Variants in ALK observed in about 807,000 individuals in gnomAD.
ALK encodes the protein ALK receptor tyrosine kinase, also known as ALK tyrosine kinase receptor.
ALK carries 74 observed loss-of-function variants against 163.1 expected under a neutral mutation model. The observed-to-expected ratio is 0.45, with a 90% confidence interval of 0.38 to 0.55. ALK has a LOEUF of 0.55. Ranked by LOEUF, ALK falls within the 20% of genes least tolerant of loss-of-function variation. The pLI is 0.00. For missense variants in ALK, 2,063 were observed against 2,105.3 expected (o/e 0.98, Z 0.39); for synonymous variants, 960 against 843.2 (o/e 1.14, Z -2.40).
intron 4 of ALK, among the ~76,000 whole-genome samples, chr2:29,464,854 T>C (rs998160541): frequency 6.6e-6 from 1 of 152,156 alleles, no homozygotes; most frequent in African/African-American, 2.4e-5. Context: ...AGAAACCTTG[T>C]TGTAGAGGAA....
At chr2:29,271,875 A>G (rs1208860492) in intron 11 of ALK, among the ~76,000 whole-genome samples, 3 of 152,206 alleles carry the variant, frequency 2.0e-5, no homozygotes, top group Non-Finnish European at 4.4e-5. Flanking sequence ...AAGGCTCCAT[A>G]GTTAGGGTTG....
At chr2:29,454,407 C>T (rs954965267) in intron 4 of ALK, among the ~76,000 whole-genome samples, 2 of 152,132 alleles carry the variant, frequency 1.3e-5, no homozygotes, top group Non-Finnish European at 2.9e-5. Flanking sequence ...AGGTAAACAG[C>T]TGTGATGCTA....
At chr2:29,401,195 A>G (rs1669436815) in intron 4 of ALK, among the ~76,000 whole-genome samples, 1 of 152,132 alleles carries the variant, frequency 6.6e-6, no homozygotes, top group Non-Finnish European at 1.5e-5. Context: ...TTCGAGGAGC[A>G]AGCTGCTCTT....
chr2:29,739,789 G>A (rs911487050), intron 1 of ALK, among the ~76,000 whole-genome samples: 22 of 152,008 alleles, frequency 1.4e-4, no homozygotes, highest in Admixed American at 1.4e-3. Flanking sequence ...ATCAATGACT[G>A]TTTCAATGTG....
intron 4 of ALK, among the ~76,000 whole-genome samples, chr2:29,388,263 T>C (rs1350671099): frequency 6.6e-6 from 1 of 152,192 alleles, no homozygotes; most frequent in Admixed American, 6.5e-5. Context: ...AAGCCCAGAA[T>C]GAAGGGACAC....
At chr2:29,456,510 T>A (rs1670956858) in intron 4 of ALK, among the ~76,000 whole-genome samples, 1 of 152,110 alleles carries the variant, frequency 6.6e-6, no homozygotes, top group Non-Finnish European at 1.5e-5. Flanking sequence ...TGTAGAGTAG[T>A]CAAATTCATA....
At chr2:29,721,762 T>C (rs1352507115) in intron 1 of ALK, among the ~76,000 whole-genome samples, 4 of 152,200 alleles carry the variant, frequency 2.6e-5, no homozygotes, top group Non-Finnish European at 5.9e-5. Context: ...CTCTACCAAG[T>C]CAGTCACACA....
chr2:29,198,961 C>CA (rs1553388622), intron 26 of ALK, among the ~76,000 whole-genome samples: 17 of 144,910 alleles, frequency 1.2e-4, no homozygotes, highest in Non-Finnish European at 6.1e-5. Context: ...TAGTTGTTTT[C>CA]TTTTTTTTTT....
intron 5 of ALK, among the ~76,000 whole-genome samples, chr2:29,353,266 C>G (rs1668162692): frequency 6.6e-6 from 1 of 152,324 alleles, no homozygotes; most frequent in Middle Eastern, 3.4e-3. Flanking sequence ...CCATCAGGCC[C>G]TGCCTGTGCT....
At chr2:29,315,618 C>T in intron 8 of ALK, among the ~76,000 whole-genome samples, 1 of 152,106 alleles carries the variant, frequency 6.6e-6, no homozygotes, top group East Asian at 1.9e-4. Flanking sequence ...AGCCCTGGGC[C>T]CCACTCTTCG....
At chr2:29,595,643 T>C (rs1383679746) in intron 3 of ALK, among the ~76,000 whole-genome samples, 2 of 152,194 alleles carry the variant, frequency 1.3e-5, no homozygotes, top group African/African-American at 2.4e-5. Context: ...TTGAGATTGA[T>C]CTGTGATGTG....
chr2:29,388,449 G>C (rs760547065), intron 4 of ALK, among the ~76,000 whole-genome samples: 2 of 152,296 alleles, frequency 1.3e-5, no homozygotes, highest in South Asian at 2.1e-4. Flanking sequence ...GATGGTTTTA[G>C]CTGCTGCAGT....
chr2:29,201,099 A>G (rs1669167393), intron 26 of ALK, among the ~76,000 whole-genome samples: 1 of 151,970 alleles, frequency 6.6e-6, no homozygotes, highest in Admixed American at 6.6e-5. Context: ...AAAGAAAAAA[A>G]AAAACATTGT....
chr2:29,379,583 G>A (rs185304478), intron 5 of ALK, among the ~76,000 whole-genome samples: 1 of 152,314 alleles, frequency 6.6e-6, no homozygotes, highest in African/African-American at 2.4e-5. Context: ...TTCTGTGGCT[G>A]CAAATGACAT....
At chr2:29,774,958 T>C (rs1395635793) in intron 1 of ALK, among the ~76,000 whole-genome samples, 5 of 152,242 alleles carry the variant, frequency 3.3e-5, no homozygotes, top group Non-Finnish European at 7.3e-5. Context: ...TTGTTCATTC[T>C]ATAATTAAAA....
rs1666207256 is a variant in ALK at position 29,297,023 on chromosome 2, C to G, written c.1682G>C (p.Arg561Thr). The G allele has an allele frequency of 6.2e-7, 1 of 1,614,214 alleles. No individual in the cohort carries two copies. Among genetic ancestry groups the G allele is most frequent in the Non-Finnish European group, 8.5e-7 (1 of 1,180,044 alleles). ...RMSWLIRGVL[R>T]GNVSLVLVEN... ...CACTAGCACCAAGGACACGTTTCCC[C>G]TCAAGACTCCACGAATGAGCCAGGA... The change falls in exon 9 of 29, where the codon AGG (arginine) becomes ACG (threonine). Residue 561 changes from arginine (R) to threonine (T), a missense_variant. Transcript: ENST00000389048.
In ALK at chr2:29,193,500, G is replaced by C. The variant is rs1881421; in HGVS notation, c.4587C>G (p.Asp1529Glu). The change falls in exon 29 of 29, where the codon GAC (aspartate) becomes GAG (glutamate). Residue 1529 changes from aspartate (D) to glutamate (E), a missense_variant. Coordinates refer to ENST00000389048, the MANE Select transcript of ALK (RefSeq NM_004304.5). Reference sequence around the variant, plus strand: ...TTCCCTCCAGCCCCAGGTTACCCCTGTCGTGTGGCTCCTTCTTTGCTATAG... The same window carrying C: ...TTCCCTCCAGCCCCAGGTTACCCCTCTCGTGTGGCTCCTTCTTTGCTATAG... ...NNPIAKKEPH[D>E]RGNLGLEGSC... 0.4 allele frequency: 645,422 copies of C among 1,613,842 alleles called. 137,955 individuals are homozygous for C. The highest frequency in any genetic ancestry group is 0.73 in the East Asian group (32,618 of 44,866).
At chr2:29,789,311 C>G (rs554150151) in intron 1 of ALK, among the ~76,000 whole-genome samples, 10 of 152,146 alleles carry the variant, frequency 6.6e-5, no homozygotes, top group Non-Finnish European at 1.2e-4. Flanking sequence ...ATCACACCTC[C>G]TTGTAAAAGG....
In ALK at chr2:29,642,412, A is replaced by C. The variant is rs187210372; in HGVS notation, c.952+52438T>G. 3.4e-3 allele frequency among the ~76,000 whole-genome samples: 520 copies of C among 152,338 alleles called. 3 individuals carry two copies. The highest frequency in any genetic ancestry group is 5.6e-3 in the Non-Finnish European group (383 of 68,020). On this transcript the variant is annotated intron_variant, in intron 3 of 28. Transcript: ENST00000389048. Reference sequence around the variant, plus strand: ...CTCACAGCCATAAATAAGCTCAGAGAAAAGAAGCCGAATCAGCAAAGGTAA... The same window carrying C: ...CTCACAGCCATAAATAAGCTCAGAGCAAAGAAGCCGAATCAGCAAAGGTAA...
Sources: allele counts gnomAD v4.1 joint callset (sites outside exome capture counted in the v4.1 genomes callset), GRCh38; gene constraint gnomAD v4.1.1; transcripts MANE v1.5; gene names NCBI Gene and HGNC (gene_info 2026-07-23, HGNC 2026-07-21).